The following AKAP7 variants were observed in gnomAD, a reference collection of about 807,000 sequenced individuals.
AKAP7 encodes the protein A kinase (PRKA) anchor protein 7.
AKAP7 carries 39 observed loss-of-function variants against 39.5 expected under a neutral mutation model. The ratio of observed to expected loss-of-function variants is 0.99; its 90% CI spans 0.76 to 1.29. AKAP7 has a LOEUF of 1.29. Ranked by LOEUF, AKAP7 falls within the 50% of genes most tolerant of loss-of-function variation. The pLI, the probability that AKAP7 is intolerant of heterozygous loss-of-function variation, is 0.00. For synonymous variants in AKAP7, 140 were observed against 139.1 expected (o/e 1.01, Z -0.05); for missense variants, 414 against 407.7 (o/e 1.02, Z -0.13).
intron 7 of AKAP7, chr6:131,250,551 C>A (rs78650056): frequency 1.5e-3 from 2,366 of 1,613,852 alleles, no homozygotes; most frequent in Non-Finnish European, 1.9e-3. Context: ...CCAGGAAAGA[C>A]AGACAGGACC....
chr6:131,233,852 T>C (rs1450426255), intron 7 of AKAP7, among the ~76,000 whole-genome samples: 1 of 152,228 alleles, frequency 6.6e-6, no homozygotes, highest in Non-Finnish European at 1.5e-5. Context: ...GAAACCTCTA[T>C]TTTGCATTAA....
chr6:131,172,347 T>G (rs1297858279), intron 5 of AKAP7, among the ~76,000 whole-genome samples: 1 of 152,108 alleles, frequency 6.6e-6, no homozygotes, highest in East Asian at 1.9e-4. Context: ...TATCATAACA[T>G]TTTTCCCCTT....
At chr6:131,184,681 C>T (rs1428556307) in intron 5 of AKAP7, 1 of 777,538 alleles carries the variant, frequency 1.3e-6, no homozygotes, top group Non-Finnish European at 2.4e-6. Context: ...GCAGAAGTTA[C>T]AGTAGTTGTT....
intron 5 of AKAP7, among the ~76,000 whole-genome samples, chr6:131,181,225 C>T (rs572240511): frequency 1.3e-4 from 20 of 152,204 alleles, no homozygotes; most frequent in African/African-American, 2.2e-4. Context: ...TGTGAGCCAC[C>T]GCGCCTGGCC....
upstream of AKAP7, among the ~76,000 whole-genome samples, chr6:131,131,128 AT>A (rs1289432639): frequency 1.3e-5 from 2 of 152,182 alleles, no homozygotes; most frequent in African/African-American, 4.8e-5. Context: ...AGAAAGAAAT[AT>A]TTAACAGGGT....
chr6:131,242,508 A>G (rs2128313974), intron 7 of AKAP7, among the ~76,000 whole-genome samples: 1 of 150,014 alleles, frequency 6.7e-6, no homozygotes, highest in East Asian at 1.9e-4. Context: ...ATAATTATAT[A>G]TATATATAAT....
chr6:131,262,055 C>T (rs997116672), intron 7 of AKAP7, among the ~76,000 whole-genome samples: 3 of 152,012 alleles, frequency 2.0e-5, no homozygotes, highest in African/African-American at 7.2e-5. Flanking sequence ...GAATAGGGAC[C>T]GTCAAAGCTG....
At chr6:131,180,475 G>A (rs1562189731) in intron 5 of AKAP7, among the ~76,000 whole-genome samples, 1 of 152,098 alleles carries the variant, frequency 6.6e-6, no homozygotes, top group Non-Finnish European at 1.5e-5. Flanking sequence ...TGAATCTCCT[G>A]CTAGCTTCTT....
intron 7 of AKAP7, among the ~76,000 whole-genome samples, chr6:131,264,957 G>T (rs1813660872): frequency 6.6e-6 from 1 of 152,128 alleles, no homozygotes; most frequent in South Asian, 2.1e-4. Context: ...GACAGCACCA[G>T]GCCATTTATG....
chr6:131,237,488 C>T (rs946297620), intron 7 of AKAP7, among the ~76,000 whole-genome samples: 65 of 152,130 alleles, frequency 4.3e-4, no homozygotes, highest in Non-Finnish European at 7.9e-4. Context: ...ATGGTACCAG[C>T]TCCTCCTTGT....
intron 7 of AKAP7, among the ~76,000 whole-genome samples, chr6:131,245,424 G>T (rs867750599): frequency 1.4e-3 from 196 of 142,492 alleles, no homozygotes; most frequent in African/African-American, 4.8e-3. Context: ...TTTTTTTTTT[G>T]TTTTTTTGTT....
intron 7 of AKAP7, among the ~76,000 whole-genome samples, chr6:131,236,747 A>G (rs1811100676): frequency 6.6e-6 from 1 of 152,158 alleles, no homozygotes; most frequent in African/African-American, 2.4e-5. Context: ...ATTTTTGCAC[A>G]TTCATTTTGT....
intron 7 of AKAP7, among the ~76,000 whole-genome samples, chr6:131,270,998 A>T (rs1278565048): frequency 6.6e-6 from 1 of 152,172 alleles, no homozygotes; most frequent in Non-Finnish European, 1.5e-5. Flanking sequence ...TTTTGCAAAT[A>T]TGTTCTCCCA....
intron 7 of AKAP7, among the ~76,000 whole-genome samples, chr6:131,227,615 G>A (rs1412007299): frequency 6.6e-6 from 1 of 152,104 alleles, no homozygotes; most frequent in Non-Finnish European, 1.5e-5. Flanking sequence ...GATAGGGTTG[G>A]GCCAAGCATA....
intron 7 of AKAP7, among the ~76,000 whole-genome samples, chr6:131,257,811 G>A (rs1193856000): frequency 6.6e-6 from 1 of 152,112 alleles, no homozygotes; most frequent in African/African-American, 2.4e-5. Context: ...GAGCCTCTGA[G>A]TTCAGCCATG....
intron 1 of AKAP7, chr6:131,136,821 A>G (rs1284928744): frequency 1.6e-5 from 16 of 984,048 alleles, no homozygotes; most frequent in Non-Finnish European, 1.7e-5. Flanking sequence ...ATTTCTACGC[A>G]GCTGTCAACA....
At chr6:131,213,832 G>A (rs957366557) in intron 6 of AKAP7, among the ~76,000 whole-genome samples, 52 of 152,296 alleles carry the variant, frequency 3.4e-4, no homozygotes, top group African/African-American at 1.1e-3. Flanking sequence ...GCTTACGTGG[G>A]AACAGACTGT....
intron 5 of AKAP7, among the ~76,000 whole-genome samples, chr6:131,179,174 T>A (rs1175935842): frequency 6.6e-6 from 1 of 152,024 alleles, no homozygotes; most frequent in Non-Finnish European, 1.5e-5. Flanking sequence ...TTCGGTTTTT[T>A]TTTTGTTTGT....
chr6:131,128,766 G>T, the AKAP7 span, among the ~76,000 whole-genome samples: 1 of 147,922 alleles, frequency 6.8e-6, no homozygotes, highest in African/African-American at 2.5e-5. Context: ...AGGTTGCAGT[G>T]AGCTGAGATC....
Sources: allele counts gnomAD v4.1 joint callset (sites outside exome capture counted in the v4.1 genomes callset), GRCh38; gene constraint gnomAD v4.1.1; transcripts MANE v1.5; gene names NCBI Gene and HGNC (gene_info 2026-07-23, HGNC 2026-07-21).